AHCYL2: variants seen among roughly 807,000 people sequenced by gnomAD.
The protein encoded by AHCYL2 is S-adenosylhomocysteine hydrolase-like protein 2.
A neutral mutation model predicts 81.4 loss-of-function variants in AHCYL2; 28 were observed. That is an observed-to-expected ratio of 0.34 (90% CI 0.25 to 0.47). AHCYL2 has a LOEUF of 0.47. Ranked by LOEUF, AHCYL2 falls within the 20% of genes least tolerant of loss-of-function variation. The pLI is 1.00. For synonymous variants in AHCYL2, 272 were observed against 290.2 expected, an observed-to-expected ratio of 0.94 and a Z score of 0.64; for missense variants, 551 against 785.1, an observed-to-expected ratio of 0.70 and a Z score of 3.56.
chr7:129,299,912 TA>T (rs1438400654), intron 1 of AHCYL2, among the ~76,000 whole-genome samples: 1 of 152,226 alleles, frequency 6.6e-6, no homozygotes, highest in East Asian at 1.9e-4. Context: ...AATAATTTTT[TA>T]AAGGAGAAGA....
chr7:129,273,543 G>A (rs1443987835), intron 1 of AHCYL2, among the ~76,000 whole-genome samples: 12 of 151,184 alleles, frequency 7.9e-5, no homozygotes, highest in African/African-American at 2.9e-4. Flanking sequence ...GGTCAGGCTC[G>A]TCTCGAACTC....
chr7:129,417,238 G>A (rs1300862175), intron 12 of AHCYL2, among the ~76,000 whole-genome samples: 2 of 152,226 alleles, frequency 1.3e-5, no homozygotes, highest in Non-Finnish European at 2.9e-5. Context: ...CAGTACACAT[G>A]CCCTCAGGCA....
In AHCYL2 at chr7:129,413,911, T is replaced by TC. The variant is rs1473362363; in HGVS notation, c.1461+224dup. 8.5e-5 allele frequency among the ~76,000 whole-genome samples: 13 copies of TC among 152,330 alleles called. No individual in the cohort carries two copies. In the South Asian group the frequency reaches 2.5e-3, roughly 29 times the overall value. The stretch of plus-strand genomic sequence containing the variant: ...AATGATTGTCATCTTCTATTCAAGC[T>TC]CGATGCCTGTTTACACCATAAGCCT... On this transcript the variant is annotated intron_variant, in intron 12 of 16. Transcript: ENST00000325006.
chr7:129,390,403 A>G (rs987046149), intron 4 of AHCYL2, among the ~76,000 whole-genome samples: 5 of 152,216 alleles, frequency 3.3e-5, no homozygotes, highest in African/African-American at 1.2e-4. Context: ...GCTGGAATAA[A>G]TCCCCTGAGG....
intron 1 of AHCYL2, among the ~76,000 whole-genome samples, chr7:129,345,282 T>C: frequency 6.6e-6 from 1 of 152,224 alleles, no homozygotes; most frequent in East Asian, 1.9e-4. Flanking sequence ...TTTTTATATA[T>C]AAAGTAAGTC....
intron 1 of AHCYL2, among the ~76,000 whole-genome samples, chr7:129,240,356 A>G (rs527868797): frequency 1.3e-5 from 2 of 152,178 alleles, no homozygotes; most frequent in Non-Finnish European, 2.9e-5. Flanking sequence ...AAATACATAC[A>G]CAGACACACA....
At position 129,310,589 on chromosome 7, in the gene AHCYL2, A is replaced by G. The variant is rs116316199; in HGVS notation, c.364-69049A>G. ...GTGTTAAATGCTATACAGATGTAAA[A>G]TAAAATCAGTATTGAAAATAATTCA... On this transcript the variant is annotated intron_variant, in intron 1 of 16. Transcript: ENST00000325006. 1.8e-3 allele frequency among the ~76,000 whole-genome samples: 276 copies of G among 152,364 alleles called. 1 individual carries two copies. The highest frequency in any genetic ancestry group is 6.3e-3 in the African/African-American group (262 of 41,590).
intron 1 of AHCYL2, among the ~76,000 whole-genome samples, chr7:129,235,788 A>T (rs965362781): frequency 6.6e-6 from 1 of 152,176 alleles, no homozygotes; most frequent in Non-Finnish European, 1.5e-5. Flanking sequence ...CTCTTTCTGT[A>T]TCAGTACCTA....
chr7:129,326,074 C>T (rs1247170774), intron 1 of AHCYL2, among the ~76,000 whole-genome samples: 1 of 152,068 alleles, frequency 6.6e-6, no homozygotes, highest in African/African-American at 2.4e-5. Flanking sequence ...CTAAGATTTT[C>T]TTCCTTTTTT....
In AHCYL2 at chr7:129,406,494, G is replaced by A. The variant is rs1420848333; in HGVS notation, c.1295+28G>A. On this transcript the variant is annotated intron_variant, in intron 10 of 16. Coordinates refer to ENST00000325006, the MANE Select transcript of AHCYL2 (RefSeq NM_015328.4). This position sits in a 1 kb window ranked among gnomAD's most constrained non-coding sequence, Gnocchi z 4.3. Reference sequence around the variant, plus strand: ...AAGCCTCTACGCTACCATCTCACTTGCAATCTCGGAGCTGTCTCCAAAGAA... The same window carrying A: ...AAGCCTCTACGCTACCATCTCACTTACAATCTCGGAGCTGTCTCCAAAGAA... 6 of 1,606,204 alleles carry A rather than the reference G, an allele frequency of 3.7e-6. No individual in the cohort carries two copies. The highest frequency in any genetic ancestry group is 5.1e-6 in the Non-Finnish European group (6 of 1,173,142).
intron 11 of AHCYL2, among the ~76,000 whole-genome samples, chr7:129,410,781 A>G (rs1425829478): frequency 1.3e-5 from 2 of 152,226 alleles, no homozygotes; most frequent in African/African-American, 2.4e-5. Flanking sequence ...ATGTGGAACC[A>G]TAAACTACAG....
At chr7:129,276,768 A>G (rs1393805677) in intron 1 of AHCYL2, among the ~76,000 whole-genome samples, 2 of 151,378 alleles carry the variant, frequency 1.3e-5, no homozygotes, top group Non-Finnish European at 2.9e-5. Flanking sequence ...AACCACAAAG[A>G]TATAAAAGAA....
At chr7:129,232,849 T>G (rs1032146749) in intron 1 of AHCYL2, among the ~76,000 whole-genome samples, 2 of 152,348 alleles carry the variant, frequency 1.3e-5, no homozygotes, top group East Asian at 1.9e-4. Context: ...ATTTTGAGTG[T>G]TGTTTTAGCT....
chr7:129,249,703 G>A (rs530159486), intron 1 of AHCYL2, among the ~76,000 whole-genome samples: 2 of 152,272 alleles, frequency 1.3e-5, no homozygotes, highest in South Asian at 4.1e-4. Context: ...GGGATTACAG[G>A]CGTGAGCCAC....
At chr7:129,338,165 A>G (rs995457620) in intron 1 of AHCYL2, among the ~76,000 whole-genome samples, 1 of 151,388 alleles carries the variant, frequency 6.6e-6, no homozygotes, top group African/African-American at 2.4e-5. Context: ...TATGCATTGT[A>G]CTTTTTTTTT....
intron 1 of AHCYL2, among the ~76,000 whole-genome samples, chr7:129,257,611 G>A (rs189662098): frequency 6.6e-6 from 1 of 152,270 alleles, no homozygotes; most frequent in Admixed American, 6.5e-5. Context: ...TGTATACCTT[G>A]TAACCCAGCA....
intron 6 of AHCYL2, among the ~76,000 whole-genome samples, chr7:129,402,196 G>A (rs1015914394): frequency 2.6e-5 from 4 of 152,086 alleles, no homozygotes; most frequent in Non-Finnish European, 5.9e-5. Context: ...AGAGCTTTTT[G>A]CTTTCTTGGG....
intron 1 of AHCYL2, among the ~76,000 whole-genome samples, chr7:129,284,472 G>T (rs760068311): frequency 1.3e-5 from 2 of 152,050 alleles, no homozygotes; most frequent in Non-Finnish European, 2.9e-5. Context: ...GGTGGCATGT[G>T]CCTGTAATCC....
At chr7:129,349,346 ATGTCAGGCCGGG>A in intron 1 of AHCYL2, among the ~76,000 whole-genome samples, 1 of 151,738 alleles carries the variant, frequency 6.6e-6, no homozygotes, top group African/African-American at 2.4e-5. Flanking sequence ...ATAAGAACTT[ATGTCAGGCCGGG>A]CATGGTGGCT....
Sources: allele counts gnomAD v4.1 joint callset (sites outside exome capture counted in the v4.1 genomes callset), GRCh38; gene constraint gnomAD v4.1.1; non-coding constraint Gnocchi (gnomAD v3.1); transcripts MANE v1.5; gene names NCBI Gene and HGNC (gene_info 2026-07-23, HGNC 2026-07-21).